The following CNTNAP2 variants were observed in gnomAD, a reference collection of about 807,000 sequenced individuals.
CNTNAP2 encodes the protein contactin associated protein 2, also known as contactin-associated protein-like 2.
A neutral mutation model predicts 155.2 loss-of-function variants in CNTNAP2; 98 were observed. The ratio of observed to expected loss-of-function variants is 0.63; its 90% confidence interval spans 0.54 to 0.75. The LOEUF (loss-of-function observed/expected upper bound fraction) is 0.75. Ranked by LOEUF, CNTNAP2 falls within the 30% of genes least tolerant of loss-of-function variation. The pLI, the probability that CNTNAP2 is intolerant of heterozygous loss-of-function variation, is 0.00. For synonymous variants in CNTNAP2, 651 were observed against 631.2 expected, an observed-to-expected ratio of 1.03 and a Z score of -0.47; for missense variants, 1,727 against 1,688.1, an observed-to-expected ratio of 1.02 and a Z score of -0.40.
intron 11 of CNTNAP2, among the ~76,000 whole-genome samples, chr7:147,537,616 A>T (rs1007307469): frequency 6.6e-6 from 1 of 152,178 alleles, no homozygotes; most frequent in East Asian, 1.9e-4. Flanking sequence ...GAAATCTCCA[A>T]TGCTAACACA....
At chr7:146,898,177 T>A (rs2129212985) in intron 3 of CNTNAP2, among the ~76,000 whole-genome samples, 1 of 152,242 alleles carries the variant, frequency 6.6e-6, no homozygotes, top group East Asian at 1.9e-4. Flanking sequence ...ATTCTGCAAT[T>A]ATCTTCTGGA....
At chr7:147,825,839 GAAGGCTTTTTAAA>G (rs550642943) in intron 13 of CNTNAP2, among the ~76,000 whole-genome samples, 1 of 152,120 alleles carries the variant, frequency 6.6e-6, no homozygotes, top group Non-Finnish European at 1.5e-5. Flanking sequence ...GGAGGCCAAG[GAAGGCTTTTTAAA>G]AAGATGATAT....
At chr7:148,286,685 T>C (rs1797089531) in intron 21 of CNTNAP2, among the ~76,000 whole-genome samples, 3 of 152,158 alleles carry the variant, frequency 2.0e-5, no homozygotes, top group Admixed American at 2.0e-4. Context: ...ACAAAGGAAG[T>C]CACATTATTA....
intron 18 of CNTNAP2, among the ~76,000 whole-genome samples, chr7:148,176,934 T>A (rs935688206): frequency 1.7e-4 from 26 of 152,290 alleles, no homozygotes; most frequent in Non-Finnish European, 3.5e-4. Context: ...TTTTCTAACA[T>A]TAAAACTGCT....
At position 147,441,779 on chromosome 7, in the gene CNTNAP2, T is replaced by C. The variant is rs180909892; in HGVS notation, c.1671-44156T>C. The stretch of plus-strand genomic sequence containing the variant: ...TTATCAGATGGACACTCTTGTTCTC[T>C]TCCCTTACTTTCTTCCAACCAAATG... On this transcript the variant is annotated intron_variant, in intron 10 of 23. Coordinates refer to ENST00000361727, the MANE Select transcript of CNTNAP2 (RefSeq NM_014141.6). Among the ~76,000 whole-genome samples the C allele has an allele frequency of 6.1e-4, 92 of 151,386 alleles. 1 individual carries two copies. The South Asian group carries it at 0.017, about 28-fold the overall frequency.
At chr7:146,349,346 G>A (rs1794876846) in intron 1 of CNTNAP2, among the ~76,000 whole-genome samples, 1 of 152,134 alleles carries the variant, frequency 6.6e-6, no homozygotes, top group Non-Finnish European at 1.5e-5. Context: ...TTCAACAGCA[G>A]TATTTCACCC....
intron 1 of CNTNAP2, among the ~76,000 whole-genome samples, chr7:146,367,732 T>A (rs140466570): frequency 0.011 from 1,634 of 152,266 alleles, 16 homozygotes; most frequent in Middle Eastern, 0.034. Context: ...ATTTTTAAAT[T>A]AATGGACATT....
At chr7:146,565,447 T>C (rs1798343337) in intron 1 of CNTNAP2, among the ~76,000 whole-genome samples, 1 of 152,146 alleles carries the variant, frequency 6.6e-6, no homozygotes, top group Non-Finnish European at 1.5e-5. Context: ...CAGGGATCCG[T>C]TAAGTGCAGT....
intron 13 of CNTNAP2, among the ~76,000 whole-genome samples, chr7:147,804,503 C>A (rs1798058578): frequency 1.3e-5 from 2 of 152,100 alleles, no homozygotes; most frequent in African/African-American, 4.8e-5. Context: ...AGGCCCTGAG[C>A]ATGACCTTCA....
intron 1 of CNTNAP2, among the ~76,000 whole-genome samples, chr7:146,181,307 A>G (rs1798545828): frequency 6.6e-6 from 1 of 152,136 alleles, no homozygotes; most frequent in Non-Finnish European, 1.5e-5. Flanking sequence ...GCCACTAAAC[A>G]TCTCTGATAT....
chr7:147,051,203 T>TATAA (rs1799467737), intron 4 of CNTNAP2, among the ~76,000 whole-genome samples: 1 of 91,228 alleles, frequency 1.1e-5, no homozygotes, highest in Non-Finnish European at 2.0e-5. Context: ...TATATATATA[T>TATAA]AAATCATTAA....
intron 20 of CNTNAP2, among the ~76,000 whole-genome samples, chr7:148,260,915 AAAG>A (rs1796547782): frequency 1.3e-5 from 2 of 152,236 alleles, no homozygotes; most frequent in Non-Finnish European, 2.9e-5. Flanking sequence ...GGGTGAACAA[AAAG>A]TAGTAATTTT....
chr7:146,640,847 A>T (rs1414683170), intron 1 of CNTNAP2, among the ~76,000 whole-genome samples: 2 of 152,188 alleles, frequency 1.3e-5, no homozygotes, highest in Non-Finnish European at 2.9e-5. Context: ...TGGAGAAAGG[A>T]AAAGGAAACA....
intron 4 of CNTNAP2, among the ~76,000 whole-genome samples, chr7:147,104,173 T>C (rs1800709601): frequency 6.6e-6 from 1 of 152,060 alleles, no homozygotes; most frequent in African/African-American, 2.4e-5. Flanking sequence ...AATTCTATCT[T>C]TCCAACTACC....
intron 12 of CNTNAP2, among the ~76,000 whole-genome samples, chr7:147,631,848 C>G (rs145815582): frequency 8.9e-4 from 135 of 152,284 alleles, no homozygotes; most frequent in African/African-American, 2.9e-3. Context: ...TGATCAAAGA[C>G]TTAAATGTAA....
At chr7:146,179,595 G>T (rs940489079) in intron 1 of CNTNAP2, among the ~76,000 whole-genome samples, 1 of 152,032 alleles carries the variant, frequency 6.6e-6, no homozygotes, top group Admixed American at 6.6e-5. Context: ...GGAACCTGAA[G>T]GTATCCTAGA....
intron 1 of CNTNAP2, among the ~76,000 whole-genome samples, chr7:146,769,256 T>C (rs1585081671): frequency 1.3e-5 from 2 of 152,248 alleles, no homozygotes; most frequent in East Asian, 3.8e-4. Flanking sequence ...TACTGGATTA[T>C]TTCAAATGTT....
At chr7:147,991,754 A>G (rs1801714070) in intron 15 of CNTNAP2, among the ~76,000 whole-genome samples, 1 of 152,162 alleles carries the variant, frequency 6.6e-6, no homozygotes, top group Non-Finnish European at 1.5e-5. Context: ...TCCATGTCTC[A>G]AGGTTATTAC....
intron 14 of CNTNAP2, among the ~76,000 whole-genome samples, chr7:147,954,809 G>A (rs1375349575): frequency 2.0e-5 from 3 of 152,176 alleles, no homozygotes; most frequent in Admixed American, 6.5e-5. Flanking sequence ...TCTAGTTAGA[G>A]TGAGTTAACA....
Sources: allele counts gnomAD v4.1 joint callset (sites outside exome capture counted in the v4.1 genomes callset), GRCh38; gene constraint gnomAD v4.1.1; transcripts MANE v1.5; gene names NCBI Gene and HGNC (gene_info 2026-07-23, HGNC 2026-07-21).